Variants in LRRC37A2 observed in about 807,000 individuals in gnomAD.
LRRC37A2 encodes leucine rich repeat containing 37 member A2, also known as leucine-rich repeat-containing protein 37A2.
In LRRC37A2, 9 loss-of-function variants were observed where a neutral mutation model predicts 68.8. That is an observed-to-expected ratio of 0.13 (90% CI 0.08 to 0.23). The LOEUF (loss-of-function observed/expected upper bound fraction) is 0.23, where lower values mean the gene tolerates loss of function less well. Ranked by LOEUF, LRRC37A2 falls within the 10% of genes least tolerant of loss-of-function variation. The pLI, the probability that LRRC37A2 is intolerant of heterozygous loss-of-function variation, is 1.00. For synonymous variants in LRRC37A2, 63 were observed against 367.6 expected, an observed-to-expected ratio of 0.17 and a Z score of 9.48; for missense variants, 168 against 950.4, an observed-to-expected ratio of 0.18 and a Z score of 10.82.
the LRRC37A2 span, chr17:46,931,997 A>G: frequency 7.0e-7 from 1 of 1,427,746 alleles, no homozygotes; most frequent in Non-Finnish European, 9.9e-7. Context: ...TCCTCAGTAC[A>G]AAGCCTGGCC....
chr17:46,748,895 T>C, the LRRC37A2 span, among the ~76,000 whole-genome samples: 4 of 152,312 alleles, frequency 2.6e-5, no homozygotes, highest in South Asian at 8.3e-4. Flanking sequence ...CTGCATGGCC[T>C]AGCTGTAAAC....
intron 9 of LRRC37A2, 76 bp from the exon 9 acceptor site, chr17:46,548,235 TG>T: frequency 6.1e-6 from 2 of 327,456 alleles, no homozygotes; most frequent in Non-Finnish European, 5.0e-6. Context: ...TCTGTGTGAC[TG>T]GGGTGTACAG....
chr17:46,820,630 T>C, the LRRC37A2 span, among the ~76,000 whole-genome samples: 1 of 152,096 alleles, frequency 6.6e-6, no homozygotes, highest in African/African-American at 2.4e-5. Flanking sequence ...CTGTTTCTGA[T>C]TCACCTGGAA....
the LRRC37A2 span, chr17:46,935,198 A>C: frequency 1.9e-6 from 3 of 1,613,050 alleles, no homozygotes; most frequent in Non-Finnish European, 2.5e-6. Context: ...GACAGAGAGA[A>C]GGCCTCTTGT....
chr17:46,809,110 T>C, the LRRC37A2 span, among the ~76,000 whole-genome samples: 3 of 152,040 alleles, frequency 2.0e-5, no homozygotes, highest in African/African-American at 7.2e-5. Context: ...AAGTGGGTTA[T>C]TGGGGGGATC....
rs1197577572 is a variant in LRRC37A2 at position 46,542,364 on chromosome 17, CTTTTTTA to C, written c.3053+1497_3053+1503del. 2.2e-4 allele frequency among the ~76,000 whole-genome samples: 33 copies of C among 148,934 alleles called. 1 individual carries two copies. The highest frequency in any genetic ancestry group is 1.9e-3 in the Admixed American group (29 of 15,116). On this transcript the variant is annotated intron_variant, in intron 8 of 14. Transcript: ENST00000576629. ...GAGTTAATTTGCATATGTGATGTAT[CTTTTTTA>C]TTTTTTATTTTTTTGTAGAAATGAG...
chr17:46,944,275 G>A, the LRRC37A2 span, among the ~76,000 whole-genome samples: 1 of 152,258 alleles, frequency 6.6e-6, no homozygotes, highest in African/African-American at 2.4e-5. Flanking sequence ...GGTTACAGCG[G>A]CCGGAGGCTG....
chr17:46,794,985 A>G, the LRRC37A2 span, among the ~76,000 whole-genome samples: 1 of 151,962 alleles, frequency 6.6e-6, no homozygotes, highest in East Asian at 1.9e-4. Context: ...TCCTGACCAC[A>G]GGTGATCTGC....
At chr17:46,694,152 A>T in the LRRC37A2 span, among the ~76,000 whole-genome samples, 3 of 134,374 alleles carry the variant, frequency 2.2e-5, 1 homozygote, top group Admixed American at 7.7e-5. Flanking sequence ...TGGGAGGCTG[A>T]GGCAGGTGGA....
At chr17:46,558,932 T>C (rs1477749016), downstream of LRRC37A2, 4 of 109,568 alleles carry the variant, frequency 3.7e-5, no homozygotes, top group Non-Finnish European at 7.2e-5. Flanking sequence ...CCCGCCTTGG[T>C]CTCTCAACGT....
the LRRC37A2 span, among the ~76,000 whole-genome samples, chr17:46,798,269 T>G: frequency 6.6e-6 from 1 of 152,122 alleles, no homozygotes; most frequent in Non-Finnish European, 1.5e-5. Context: ...ATAGGTAAAA[T>G]TCAGGATGTG....
At chr17:46,937,791 A>G in the LRRC37A2 span, 1 of 152,266 alleles carries the variant, frequency 6.6e-6, no homozygotes, top group South Asian at 2.1e-4. Flanking sequence ...ATTGCAAAGC[A>G]GTATTCCATT....
At chr17:46,823,182 A>T in the LRRC37A2 span, among the ~76,000 whole-genome samples, 505 of 127,852 alleles carry the variant, frequency 3.9e-3, 11 homozygotes, top group Non-Finnish European at 5.2e-3. Flanking sequence ...ATTTATATAT[A>T]ATATATTATA....
the LRRC37A2 span, among the ~76,000 whole-genome samples, chr17:46,771,813 C>A: frequency 6.9e-6 from 1 of 144,420 alleles, no homozygotes. Flanking sequence ...GTGTGAATGG[C>A]GCGGCGGCCG....
At chr17:46,708,431 C>T in the LRRC37A2 span, among the ~76,000 whole-genome samples, 2 of 150,630 alleles carry the variant, frequency 1.3e-5, no homozygotes, top group Non-Finnish European at 1.5e-5. Flanking sequence ...TTTGTATTTT[C>T]GTAATGATTA....
At chr17:46,846,898 T>C in the LRRC37A2 span, among the ~76,000 whole-genome samples, 3 of 152,062 alleles carry the variant, frequency 2.0e-5, no homozygotes, top group Non-Finnish European at 4.4e-5. Flanking sequence ...CAGGGGCCCT[T>C]CCCGCAGAAG....
the LRRC37A2 span, chr17:46,966,804 T>G: frequency 9.3e-6 from 4 of 428,024 alleles, no homozygotes; most frequent in Non-Finnish European, 8.2e-6. Flanking sequence ...ATGTGGCCGA[T>G]GAGAAAAATC....
chr17:46,525,623 C>A (rs369569241), intron 6 of LRRC37A2, among the ~76,000 whole-genome samples: 7,522 of 104,862 alleles, frequency 0.072, 134 homozygotes, highest in Non-Finnish European at 0.083. Context: ...TAATCATCAT[C>A]ATCATCATCA....
chr17:46,476,611 G>A, the LRRC37A2 span, among the ~76,000 whole-genome samples: 2 of 105,674 alleles, frequency 1.9e-5, 1 homozygote. Context: ...CTGAATCCAG[G>A]AGGCAGAGGT....
Sources: allele counts gnomAD v4.1 joint callset (sites outside exome capture counted in the v4.1 genomes callset), GRCh38; gene constraint gnomAD v4.1.1; transcripts MANE v1.5; gene names NCBI Gene and HGNC (gene_info 2026-07-23, HGNC 2026-07-21).